The following ATP1A1 variants were observed in gnomAD, a reference collection of about 807,000 sequenced individuals.
ATP1A1 encodes ATPase Na+/K+ transporting subunit alpha 1.
ATP1A1 carries 14 observed loss-of-function variants against 114.8 expected under a neutral mutation model. That is an observed-to-expected ratio of 0.12 (90% confidence interval 0.08 to 0.19). ATP1A1 has a LOEUF of 0.19. ATP1A1 is among the 10% of genes least tolerant of loss of function. The pLI is 1.00. For synonymous variants in ATP1A1, 471 were observed against 466.3 expected, an observed-to-expected ratio of 1.01 and a Z score of -0.13; for missense variants, 524 against 1,290.7, an observed-to-expected ratio of 0.41 and a Z score of 9.10.
chr1:116,390,063 AT>A, intron 8 of ATP1A1, 149 bp from the exon 9 acceptor site: 1 of 823,910 alleles, frequency 1.2e-6, no homozygotes. Context: ...AGCCTCATGT[AT>A]GGGTTCCCCT....
chr1:116,391,223 T>C (rs897672814), intron 10 of ATP1A1, among the ~76,000 whole-genome samples: 4 of 152,236 alleles, frequency 2.6e-5, no homozygotes, highest in Non-Finnish European at 5.9e-5. Flanking sequence ...TTATATGTTA[T>C]CACCTAACCT....
At chr1:116,377,342 A>C (rs1234005738) in intron 1 of ATP1A1, among the ~76,000 whole-genome samples, 1 of 152,228 alleles carries the variant, frequency 6.6e-6, no homozygotes, top group Non-Finnish European at 1.5e-5. Flanking sequence ...GAGAAGATCA[A>C]ATCTTTACAG....
chr1:116,380,590 A>T (rs1386484801), intron 1 of ATP1A1, among the ~76,000 whole-genome samples: 1 of 152,090 alleles, frequency 6.6e-6, no homozygotes, highest in Non-Finnish European at 1.5e-5. Flanking sequence ...TAAATGGCTA[A>T]TTGCCAAAAA....
At position 116,399,623 on chromosome 1, in the gene ATP1A1, T is replaced by G; in HGVS notation, c.2572+80T>G. 1 of 1,577,980 alleles carries G rather than the reference T, an allele frequency of 6.3e-7. No individual in the cohort carries two copies. Among genetic ancestry groups the G allele is most frequent in the Non-Finnish European group, 8.6e-7 (1 of 1,159,880 alleles). On this transcript the variant is annotated intron_variant, in intron 18 of 22. Transcript: ENST00000295598. The surrounding 1 kb of genome is among the most constrained non-coding windows in gnomAD (Gnocchi z 5.0). ...GTGTCCACCTCAGGTTGAGGTTGAT[T>G]TCAGAGACTGCAAATCCAGGCGACT... is the stretch of plus-strand genomic sequence containing the variant.
rs1412944529 is a variant in ATP1A1, at chr1:116,387,388, A to G, written c.284A>G (p.Gln95Arg). ...CCTGAATGGATCAAGTTTTGTCGGC[A>G]GCTCTTTGGGGGGTTCTCAATGTTA... is the stretch of plus-strand genomic sequence containing the variant. ...TTPEWIKFCRQLFGGFSMLLW... is the reference protein window; with the variant it reads ...TTPEWIKFCRRLFGGFSMLLW... The change falls in exon 4 of 23, where the codon CAG becomes CGG. Residue 95 changes from glutamine (Q) to arginine (R), a missense_variant. Gln to Arg is a conservative substitution (Grantham distance 43). Coordinates refer to ENST00000295598, the MANE Select transcript of ATP1A1 (RefSeq NM_000701.8). This position sits in a 1 kb window ranked among gnomAD's most constrained non-coding sequence, Gnocchi z 6.7. 6.2e-7 allele frequency: 1 copy of G among 1,614,172 alleles called. No homozygotes were observed. Among genetic ancestry groups the G allele is most frequent in the Admixed American group, 1.7e-5 (1 of 60,026 alleles).
chr1:116,398,046 A>G lies in ATP1A1; in HGVS notation c.2124+8A>G. ...GAAGGCTGCCAAAGACAGGTCAGCC[A>G]GCACAAGGATCAGGCTGCTTTGGGC... On this transcript the variant is annotated splice_region_variant and intron_variant, in intron 15 of 22. Coordinates refer to ENST00000295598, the MANE Select transcript of ATP1A1 (RefSeq NM_000701.8). This position sits in a 1 kb window ranked among gnomAD's most constrained non-coding sequence, Gnocchi z 6.1. The G allele has an allele frequency of 6.2e-7, 1 of 1,613,764 alleles. No homozygotes were observed. The highest frequency in any genetic ancestry group is 8.5e-7 in the Non-Finnish European group (1 of 1,179,810).
chr1:116,379,201 C>T (rs541710994), intron 1 of ATP1A1, among the ~76,000 whole-genome samples: 11 of 152,262 alleles, frequency 7.2e-5, no homozygotes, highest in African/African-American at 2.4e-4. Context: ...CTAGAACTGT[C>T]GCTGTTCTTT....
Position 116,388,116 on chromosome 1 carries a change from T to G in ATP1A1, c.388-15T>G, listed in dbSNP as rs774930763. ...GTGTAGAGCCACGGGCCCTAACTTG[T>G]CTTTTCCCTTCCAGCTGTACCTGGG... On this transcript the variant is annotated splice_polypyrimidine_tract_variant and intron_variant, in intron 4 of 22. Transcript: ENST00000295598. The surrounding 1 kb of genome is among the most constrained non-coding windows in gnomAD (Gnocchi z 5.6). 8 of 1,585,024 alleles carry G rather than the reference T, an allele frequency of 5.0e-6. No homozygotes were observed. The highest frequency in any genetic ancestry group is 6.9e-6 in the Non-Finnish European group (8 of 1,156,844).
intron 1 of ATP1A1, chr1:116,374,158 ACTGG>A: frequency 6.5e-7 from 1 of 1,548,996 alleles, no homozygotes. Flanking sequence ...CAAAGAAAAA[ACTGG>A]CTGCTTCTAA....
intron 1 of ATP1A1, chr1:116,374,096 CCTGGGGACG>C: frequency 6.8e-7 from 1 of 1,466,518 alleles, no homozygotes; most frequent in Non-Finnish European, 9.1e-7. Context: ...GGCTCCTTCT[CCTGGGGACG>C]CTGGGGCTTA....
chr1:116,373,674 C>G, intron 1 of ATP1A1, 151 bp downstream of exon 1: 1 of 1,045,846 alleles, frequency 9.6e-7, no homozygotes, highest in Non-Finnish European at 1.3e-6. Flanking sequence ...GCTTAAAAGA[C>G]GACGCAGTTT....
intron 1 of ATP1A1, among the ~76,000 whole-genome samples, chr1:116,378,414 T>C (rs1047273755): frequency 4.6e-5 from 7 of 152,252 alleles, no homozygotes; most frequent in Non-Finnish European, 1.0e-4. Context: ...GTCTCAGTGA[T>C]TTGATAAGTT....
In ATP1A1 at chr1:116,387,638, G is replaced by A. The variant is rs1304707096; in HGVS notation, c.387+147G>A. The A allele has an allele frequency of 4.3e-6, 4 of 935,788 alleles. No individual in the cohort carries two copies. The highest frequency in any genetic ancestry group is 1.7e-5 in the South Asian group (1 of 57,646). The allele number at this position is 935,788 out of a possible 1,614,324, so 58.0% of individuals were successfully genotyped here. On this transcript the variant is annotated intron_variant, in intron 4 of 22. Coordinates refer to ENST00000295598, the MANE Select transcript of ATP1A1 (RefSeq NM_000701.8). This position sits in a 1 kb window ranked among gnomAD's most constrained non-coding sequence, Gnocchi z 6.7. Reference sequence around the variant, plus strand: ...GTTATGAACAGCTGTTGCCTTCAAGGCTCATCCATTCTTCCTTCGTTTCCA... The same window carrying A: ...GTTATGAACAGCTGTTGCCTTCAAGACTCATCCATTCTTCCTTCGTTTCCA...
chr1:116,403,758 C>G, intron 21 of ATP1A1, 126 bp from the exon 22 acceptor site: 1 of 778,072 alleles, frequency 1.3e-6, no homozygotes, highest in Non-Finnish European at 2.1e-6. Flanking sequence ...CAGTAGTTAA[C>G]TGTGACTGTA....
chr1:116,394,141 A>G (rs895218040), intron 12 of ATP1A1, among the ~76,000 whole-genome samples: 1 of 152,106 alleles, frequency 6.6e-6, no homozygotes, highest in African/African-American at 2.4e-5. Context: ...ACTGCCTTGG[A>G]ATGGGTGTGA....
Position 116,374,396 on chromosome 1 carries a change from G to A in ATP1A1, c.12+873G>A, listed in dbSNP as rs138948635. 6.2e-3 allele frequency among the ~76,000 whole-genome samples: 940 copies of A among 152,216 alleles called. 7 individuals carry two copies. The highest frequency in any genetic ancestry group is 0.011 in the Admixed American group (173 of 15,294). ...ATAGGCAGACCCACCAGGGCCTCAGGGTACAAGAAACCCGAAAAAGGACTG... is the reference window on the plus strand; with the variant it reads ...ATAGGCAGACCCACCAGGGCCTCAGAGTACAAGAAACCCGAAAAAGGACTG... On this transcript the variant is annotated intron_variant, in intron 1 of 22. Coordinates refer to ENST00000295598, the MANE Select transcript of ATP1A1 (RefSeq NM_000701.8).
Position 116,381,852 on chromosome 1 carries a change from T to C in ATP1A1, c.13-2162T>C, listed in dbSNP as rs1172177469. ...AAATATATTTCAATGATATTCAACT[T>C]GCTCAGAGAGAATCCGTGAGCTGTA... On this transcript the variant is annotated intron_variant, in intron 1 of 22. Coordinates refer to ENST00000295598, the MANE Select transcript of ATP1A1 (RefSeq NM_000701.8). The surrounding 1 kb of genome is among the most constrained non-coding windows in gnomAD (Gnocchi z 5.1). Among the ~76,000 whole-genome samples, 4 of 152,212 alleles carry C rather than the reference T, an allele frequency of 2.6e-5. No individual in the cohort carries two copies. The highest frequency in any genetic ancestry group is 5.9e-5 in the Non-Finnish European group (4 of 68,040).
chr1:116,375,226 A>G (rs528908424), intron 1 of ATP1A1, among the ~76,000 whole-genome samples: 1 of 152,380 alleles, frequency 6.6e-6, no homozygotes, highest in East Asian at 1.9e-4. Context: ...GACTTGCTCA[A>G]GGTCAAACGG....
Position 116,401,611 on chromosome 1 carries a change from C to T in ATP1A1, c.2907C>T (p.Ser969=). ...FEETALAAFL[S]YCPGMGVALR... is the part of the protein sequence containing the mutation. The stretch of plus-strand genomic sequence containing the variant: ...AGACAGCCCTGGCTGCTTTCCTTTC[C>T]TACTGCCCTGGAATGGGTGTTGCTC... Residue 969 remains serine, a synonymous_variant, in exon 21 of 23, where the codon TCC becomes TCT. Transcript: ENST00000295598. The surrounding 1 kb of genome is among the most constrained non-coding windows in gnomAD (Gnocchi z 4.7). 1 of 1,614,226 alleles carries T rather than the reference C, an allele frequency of 6.2e-7. No individual in the cohort carries two copies. The highest frequency in any genetic ancestry group is 8.5e-7 in the Non-Finnish European group (1 of 1,180,052).
Sources: allele counts gnomAD v4.1 joint callset (sites outside exome capture counted in the v4.1 genomes callset), GRCh38; gene constraint gnomAD v4.1.1; non-coding constraint Gnocchi (gnomAD v3.1); transcripts MANE v1.5; gene names NCBI Gene and HGNC (gene_info 2026-07-23, HGNC 2026-07-21).